Variants in CNIH3 observed in about 807,000 individuals in gnomAD.
CNIH3 encodes the protein cornichon family AMPA receptor auxiliary protein 3.
CNIH3 carries 14 observed loss-of-function variants against 24.1 expected under a neutral mutation model. The ratio of observed to expected loss-of-function variants is 0.58; its 90% CI spans 0.38 to 0.91. The LOEUF (loss-of-function observed/expected upper bound fraction) is 0.91. CNIH3 is among the 40% of genes least tolerant of loss of function. The pLI, the probability that CNIH3 is intolerant of heterozygous loss-of-function variation, is 0.00. For missense variants in CNIH3, 178 were observed against 196.8 expected (o/e 0.90, Z 0.57); for synonymous variants, 68 against 73.8 (o/e 0.92, Z 0.40).
At chr1:224,737,364 A>G (rs577990769) in intron 5 of CNIH3, among the ~76,000 whole-genome samples, 1 of 152,280 alleles carries the variant, frequency 6.6e-6, no homozygotes, top group South Asian at 2.1e-4. Context: ...CCTTCATGAT[A>G]CATGTGTTAA....
chr1:224,613,789 A>T (rs1322984338), upstream of CNIH3, among the ~76,000 whole-genome samples: 4 of 152,178 alleles, frequency 2.6e-5, no homozygotes, highest in Admixed American at 1.3e-4. Context: ...CCTCCCCCGA[A>T]GCCGAGCAAA....
intron 1 of CNIH3, among the ~76,000 whole-genome samples, chr1:224,471,499 C>T (rs745638495): frequency 2.6e-5 from 4 of 152,134 alleles, no homozygotes; most frequent in East Asian, 1.9e-4. Context: ...AGTAAGAATA[C>T]GCAAAGTTTG....
At chr1:224,471,736 C>T (rs1676380597) in intron 1 of CNIH3, among the ~76,000 whole-genome samples, 5 of 151,914 alleles carry the variant, frequency 3.3e-5, no homozygotes, top group Admixed American at 3.3e-4. Flanking sequence ...ACTACGGGTA[C>T]CTGCCACCAT....
chr1:224,713,940 G>A (rs1008013404), intron 3 of CNIH3, among the ~76,000 whole-genome samples: 2 of 151,944 alleles, frequency 1.3e-5, no homozygotes, highest in South Asian at 2.1e-4. Flanking sequence ...TCAGCCTCCC[G>A]AGTAGCTGGG....
intron 2 of CNIH3, among the ~76,000 whole-genome samples, chr1:224,527,630 G>A (rs1339602058): frequency 6.6e-6 from 1 of 152,080 alleles, no homozygotes; most frequent in Non-Finnish European, 1.5e-5. Flanking sequence ...ATGCAAAGTA[G>A]TTTCTAAAAA....
intron 1 of CNIH3, among the ~76,000 whole-genome samples, chr1:224,516,319 A>C (rs1678380926): frequency 1.8e-5 from 1 of 56,796 alleles, no homozygotes; most frequent in Non-Finnish European, 3.2e-5. Flanking sequence ...TCTCAAAAAA[A>C]AAAAAAAAAA....
chr1:224,584,386 A>G (rs1246569251), intron 5 of CNIH3, among the ~76,000 whole-genome samples: 1 of 152,274 alleles, frequency 6.6e-6, no homozygotes, highest in Non-Finnish European at 1.5e-5. Flanking sequence ...TTAGGACAGC[A>G]AGGCACTTCT....
intron 2 of CNIH3, among the ~76,000 whole-genome samples, chr1:224,533,232 G>A (rs1173612978): frequency 6.8e-6 from 1 of 147,260 alleles, no homozygotes; most frequent in African/African-American, 2.6e-5. Context: ...AACAGAGCAA[G>A]AGCATGTCTC....
chr1:224,532,496 G>C (rs1407103386), intron 2 of CNIH3, among the ~76,000 whole-genome samples: 2 of 152,216 alleles, frequency 1.3e-5, no homozygotes, highest in Non-Finnish European at 2.9e-5. Flanking sequence ...CAGTTATCCA[G>C]GTGAGAGGTG....
At chr1:224,452,605 C>G (rs930252477) in intron 1 of CNIH3, among the ~76,000 whole-genome samples, 15 of 149,896 alleles carry the variant, frequency 1.0e-4, no homozygotes, top group Middle Eastern at 3.6e-3. Flanking sequence ...CACGGTGAAA[C>G]CCCGTCTCTA....
At chr1:224,570,453 A>G (rs893272982) in intron 4 of CNIH3, among the ~76,000 whole-genome samples, 1 of 152,194 alleles carries the variant, frequency 6.6e-6, no homozygotes, top group Non-Finnish European at 1.5e-5. Flanking sequence ...TTTGCTTAGG[A>G]TAATGGCCTC....
intron 1 of CNIH3, among the ~76,000 whole-genome samples, chr1:224,617,976 G>T (rs1683102111): frequency 6.6e-6 from 1 of 152,212 alleles, no homozygotes; most frequent in Admixed American, 6.5e-5. Flanking sequence ...GCGAACCTCC[G>T]CTAGGCCCCC....
At chr1:224,644,765 G>A (rs1296418709) in intron 1 of CNIH3, among the ~76,000 whole-genome samples, 6 of 152,206 alleles carry the variant, frequency 3.9e-5, no homozygotes, top group Non-Finnish European at 8.8e-5. Context: ...TTGCACACTG[G>A]TGGTGCTGAA....
At chr1:224,544,289 T>C (rs1302709109) in intron 2 of CNIH3, among the ~76,000 whole-genome samples, 1 of 152,186 alleles carries the variant, frequency 6.6e-6, no homozygotes, top group African/African-American at 2.4e-5. Context: ...ACCTTCCATA[T>C]GCACTTCATC....
chr1:224,633,849 G>A (rs950122893), intron 1 of CNIH3, among the ~76,000 whole-genome samples: 1 of 152,216 alleles, frequency 6.6e-6, no homozygotes, highest in Non-Finnish European at 1.5e-5. Context: ...TCACTGCTTC[G>A]GCTCTTTGGT....
intron 3 of CNIH3, among the ~76,000 whole-genome samples, chr1:224,706,328 C>T (rs1687807536): frequency 6.6e-6 from 1 of 152,128 alleles, no homozygotes; most frequent in Admixed American, 6.5e-5. Context: ...ACTGTCTCCA[C>T]AGTAAGAACA....
chr1:224,670,242 T>G (rs1242128669), intron 1 of CNIH3, among the ~76,000 whole-genome samples: 1 of 151,824 alleles, frequency 6.6e-6, no homozygotes, highest in Non-Finnish European at 1.5e-5. Flanking sequence ...TTTGTGATGG[T>G]GTGAGGAAGG....
At chr1:224,447,134 T>A (rs759127863) in intron 1 of CNIH3, among the ~76,000 whole-genome samples, 2 of 152,172 alleles carry the variant, frequency 1.3e-5, no homozygotes, top group Non-Finnish European at 2.9e-5. Flanking sequence ...CACTGGATTC[T>A]GGAGGCTGAG....
At chr1:224,734,482 A>G in intron 4 of CNIH3, 81 bp from the exon 5 acceptor site, 1 of 1,438,698 alleles carries the variant, frequency 7.0e-7, no homozygotes, top group Non-Finnish European at 9.7e-7. Flanking sequence ...GCTCGACAGA[A>G]GCCCTGCATC....
Sources: allele counts gnomAD v4.1 joint callset (sites outside exome capture counted in the v4.1 genomes callset), GRCh38; gene constraint gnomAD v4.1.1; transcripts MANE v1.5; gene names NCBI Gene and HGNC (gene_info 2026-07-23, HGNC 2026-07-21).